Variants in TIMELESS observed in about 807,000 individuals in gnomAD.
The protein encoded by TIMELESS is timeless circadian regulator, also known as protein timeless homolog.
A neutral mutation model predicts 164.3 loss-of-function variants in TIMELESS; 124 were observed. The ratio of observed to expected loss-of-function variants is 0.75; its 90% confidence interval spans 0.65 to 0.88. TIMELESS has a LOEUF of 0.88. Among genes scored for constraint, TIMELESS ranks in the 40% least tolerant of loss-of-function variants. The probability of loss-of-function intolerance (pLI) is 0.00; values close to 1 mark genes in which losing one functional copy is unlikely to be tolerated. For synonymous variants in TIMELESS, 564 were observed against 563.4 expected (o/e 1.00, Z -0.02); for missense variants, 1,422 against 1,491.4 (o/e 0.95, Z 0.77).
At position 56,442,361 on chromosome 12, in the gene TIMELESS, T is replaced by C. The variant is rs937035075; in HGVS notation, c.-62+6949A>G. On this transcript the variant is annotated intron_variant, in intron 1 of 28. Transcript: ENST00000553532. ...AGTGCAAAACCAAAGAGGGAGCCAT[T>C]ATGAATAGATGAGTCCAACAGGAAA... Among the ~76,000 whole-genome samples, 22 of 152,222 alleles carry C rather than the reference T, an allele frequency of 1.4e-4. 1 individual carries two copies. Among genetic ancestry groups the C allele is most frequent in the South Asian group, 2.1e-4 (1 of 4,826 alleles).
intron 10 of TIMELESS, 119 bp downstream of exon 10, chr12:56,429,986 G>A (rs905798370): frequency 4.7e-5 from 43 of 911,040 alleles, no homozygotes; most frequent in African/African-American, 3.1e-4. Context: ...TCCCACCTAC[G>A]AGTCCACATT....
intron 7 of TIMELESS, among the ~76,000 whole-genome samples, chr12:56,431,935 CAT>C (rs771604605): frequency 1.7e-4 from 26 of 151,406 alleles, no homozygotes; most frequent in South Asian, 4.2e-4. Flanking sequence ...AACATGTATA[CAT>C]ATATATATAC....
At chr12:56,440,044 T>C (rs1868252684) in intron 1 of TIMELESS, among the ~76,000 whole-genome samples, 1 of 151,802 alleles carries the variant, frequency 6.6e-6, no homozygotes, top group African/African-American at 2.4e-5. Context: ...GCAATATGCA[T>C]CTGAAATCAA....
chr12:56,432,894 G>A, intron 6 of TIMELESS, 132 bp downstream of exon 6: 1 of 659,678 alleles, frequency 1.5e-6, no homozygotes, highest in Non-Finnish European at 2.5e-6. Flanking sequence ...GACAGAGCTT[G>A]CAGTGAGCTG....
chr12:56,420,911 C>T (rs749439160), intron 24 of TIMELESS, 30 bp from the exon 25 acceptor site: 1 of 1,614,092 alleles, frequency 6.2e-7, no homozygotes, highest in East Asian at 2.2e-5. Flanking sequence ...TTACATTTGA[C>T]CCTACTCCCA....
chr12:56,434,546 T>C (rs1307026859), intron 1 of TIMELESS, among the ~76,000 whole-genome samples: 6 of 152,192 alleles, frequency 3.9e-5, no homozygotes, highest in African/African-American at 1.4e-4. Context: ...GAGACCAGCC[T>C]GACCAACATG....
intron 19 of TIMELESS, 36 bp downstream of exon 19, chr12:56,422,811 C>CG: frequency 5.9e-5 from 86 of 1,457,282 alleles, no homozygotes; most frequent in Non-Finnish European, 7.0e-5. Context: ...CAAACTTCCC[C>CG]TACCCCCACC....
chr12:56,430,314 C>T, intron 9 of TIMELESS, 33 bp from the exon 10 acceptor site: 1 of 1,577,146 alleles, frequency 6.3e-7, no homozygotes, highest in Non-Finnish European at 8.6e-7. Context: ...TAGAATTACT[C>T]CTAAATACCA....
chr12:56,418,886 A>G (rs1734907922), intron 26 of TIMELESS, among the ~76,000 whole-genome samples: 1 of 151,718 alleles, frequency 6.6e-6, no homozygotes, highest in Admixed American at 6.6e-5. Flanking sequence ...AATTGAATAA[A>G]TAAATAAATA....
rs773964560 is a variant in TIMELESS, at chr12:56,428,530, G to T, written c.1408+19C>A. The T allele has an allele frequency of 6.2e-7, 1 of 1,611,656 alleles. No individual in the cohort carries two copies. Among genetic ancestry groups the T allele is most frequent in the Non-Finnish European group, 8.5e-7 (1 of 1,177,840 alleles). On this transcript the variant is annotated intron_variant, in intron 12 of 28. Coordinates refer to ENST00000553532, the MANE Select transcript of TIMELESS (RefSeq NM_003920.5). ...CGAGATGGGACAGGCTGGGATCGGG[G>T]ACCAGGCCAGGGCCTCACTCTTGAT...
At chr12:56,419,464 G>GTGTGTGTA (rs1881382176) in intron 26 of TIMELESS, among the ~76,000 whole-genome samples, 1 of 150,748 alleles carries the variant, frequency 6.6e-6, no homozygotes, top group South Asian at 2.1e-4. Context: ...GATGGAGTGT[G>GTGTGTGTA]TGTGTGTGTG....
rs957572555 is a variant in TIMELESS, at chr12:56,449,309, C to G, written c.-62+1G>C. ...CGCCCTCTCGCCACACACTCACTCA[C>G]CCGCTCCCTGCGGGTCCTCAGAAGC... is the stretch of plus-strand genomic sequence containing the variant. On this transcript the variant is annotated splice_donor_variant, in intron 1 of 28. Transcript: ENST00000553532. LOFTEE classifies it low-confidence loss of function (5UTR_SPLICE). 6.6e-6 allele frequency: 1 copy of G among 152,330 alleles called. No individual in the cohort carries two copies. Among genetic ancestry groups the G allele is most frequent in the Admixed American group, 6.5e-5 (1 of 15,292 alleles). The allele number at this position is 152,330 out of a possible 1,614,324, so 9.4% of individuals were successfully genotyped here.
Position 56,431,043 on chromosome 12 carries a change from A to G in TIMELESS, c.822-75T>C, listed in dbSNP as rs1218179646. The G allele has an allele frequency of 2.4e-5, 25 of 1,062,314 alleles. No individual in the cohort carries two copies. The South Asian group carries it at 3.8e-4, about 16-fold the overall frequency. 65.8% of individuals were successfully genotyped at this position (1,062,314 alleles called of 1,614,324 possible). On this transcript the variant is annotated intron_variant, in intron 8 of 28. Coordinates refer to ENST00000553532, the MANE Select transcript of TIMELESS (RefSeq NM_003920.5). ...TATCTCCATTCTCTATCATCGGCAC[A>G]TTGGAGCAAGTTAAAACTACAAAAT...
At chr12:56,418,605 T>TGC (rs1881352397) in intron 26 of TIMELESS, among the ~76,000 whole-genome samples, 1 of 149,136 alleles carries the variant, frequency 6.7e-6, no homozygotes, top group African/African-American at 2.5e-5. Flanking sequence ...TGAGAAGGGG[T>TGC]CTGCCTCTGT....
At chr12:56,421,238 C>T (rs1335997469) in intron 23 of TIMELESS, 104 bp from the exon 24 acceptor site, 55 of 1,584,494 alleles carry the variant, frequency 3.5e-5, no homozygotes, top group Non-Finnish European at 4.2e-5. Flanking sequence ...CCTGCTCTCT[C>T]GGAAGGACCT....
intron 1 of TIMELESS, among the ~76,000 whole-genome samples, chr12:56,436,337 C>T (rs1158265069): frequency 1.3e-5 from 2 of 152,008 alleles, no homozygotes; most frequent in African/African-American, 2.4e-5. Context: ...ACCTGTAGTC[C>T]CAGCTACTTG....
At position 56,421,994 on chromosome 12, in the gene TIMELESS, G is replaced by T; in HGVS notation, c.2547C>A (p.Ile849=). ...GAGGAACAGTATTCAGGTGGGCCAA[G>T]ATGGCTTCCACCACATCCTGCCCTG... ...DVEGQDVVEA[I]LAHLNTVPRT... The change falls in exon 21 of 29, where the codon ATC becomes ATA. Residue 849 remains isoleucine, a synonymous_variant. Coordinates refer to ENST00000553532, the MANE Select transcript of TIMELESS (RefSeq NM_003920.5). 4 of 1,614,190 alleles carry T rather than the reference G, an allele frequency of 2.5e-6. No individual in the cohort carries two copies. The highest frequency in any genetic ancestry group is 3.4e-6 in the Non-Finnish European group (4 of 1,180,038).
At position 56,425,088 on chromosome 12, in the gene TIMELESS, T is replaced by C. The variant is rs775885223; in HGVS notation, c.1643A>G (p.Asn548Ser). ...KVLDQAIVSG[N>S]VPSSPEEVEA... ...CACTTCTTCTGGGCTAGATGGGACA[T>C]TACCAGAAACAATGGCCTGGTCTAG... Residue 548 changes from asparagine (N) to serine (S), a missense_variant, in exon 14 of 29, where the codon AAT becomes AGT. Coordinates refer to ENST00000553532, the MANE Select transcript of TIMELESS (RefSeq NM_003920.5). 47 of 1,614,056 alleles carry C rather than the reference T, an allele frequency of 2.9e-5. No individual in the cohort carries two copies. In the South Asian group the frequency reaches 4.9e-4, roughly 17 times the overall value.
chr12:56,438,109 T>C (rs1415309982), intron 1 of TIMELESS, among the ~76,000 whole-genome samples: 1 of 152,130 alleles, frequency 6.6e-6, no homozygotes, highest in African/African-American at 2.4e-5. Context: ...TGGCACGATC[T>C]TGGCTCACTG....
Sources: allele counts gnomAD v4.1 joint callset (sites outside exome capture counted in the v4.1 genomes callset), GRCh38; gene constraint gnomAD v4.1.1; transcripts MANE v1.5; gene names NCBI Gene and HGNC (gene_info 2026-07-23, HGNC 2026-07-21).